The following SLIT3 variants were observed in gnomAD, a reference collection of about 807,000 sequenced individuals.
SLIT3 encodes the protein slit homolog 3 protein.
SLIT3 carries 68 observed loss-of-function variants against 184.0 expected under a neutral mutation model. The observed-to-expected ratio is 0.37, with a 90% CI of 0.30 to 0.45. The LOEUF (loss-of-function observed/expected upper bound fraction) is 0.45. SLIT3 is among the 20% of genes least tolerant of loss of function. The pLI, the probability that SLIT3 is intolerant of heterozygous loss-of-function variation, is 1.00. For synonymous variants in SLIT3, 831 were observed against 828.6 expected, an observed-to-expected ratio of 1.00 and a Z score of -0.05; for missense variants, 1,707 against 2,026.0, an observed-to-expected ratio of 0.84 and a Z score of 3.02.
At chr5:168,704,469 T>A (rs1561883749) in intron 26 of SLIT3, among the ~76,000 whole-genome samples, 1 of 152,162 alleles carries the variant, frequency 6.6e-6, no homozygotes, top group Non-Finnish European at 1.5e-5. Flanking sequence ...GGAGTGGTTG[T>A]GAGTGTAGAG....
chr5:168,909,405 C>G (rs1454975135), intron 4 of SLIT3, among the ~76,000 whole-genome samples: 2 of 152,206 alleles, frequency 1.3e-5, no homozygotes, highest in Non-Finnish European at 2.9e-5. Flanking sequence ...TCCTCTCCCC[C>G]ATGGCGCAAA....
chr5:169,268,127 A>G (rs775959440), intron 1 of SLIT3, among the ~76,000 whole-genome samples: 2 of 152,232 alleles, frequency 1.3e-5, no homozygotes, highest in Admixed American at 6.5e-5. Flanking sequence ...ATGTCCTGCC[A>G]TGCCCTAATA....
intron 4 of SLIT3, among the ~76,000 whole-genome samples, chr5:169,052,397 T>C (rs950016175): frequency 2.0e-5 from 3 of 152,150 alleles, no homozygotes; most frequent in Admixed American, 1.3e-4. Context: ...GTGTCTCCTA[T>C]AGTTAGGAGA....
chr5:169,297,769 T>C (rs1281876669), intron 1 of SLIT3, among the ~76,000 whole-genome samples: 2 of 152,190 alleles, frequency 1.3e-5, no homozygotes, highest in African/African-American at 2.4e-5. Context: ...TTGCAATGGT[T>C]CTATATACAG....
At chr5:168,719,684 A>G (rs535194816) in intron 23 of SLIT3, among the ~76,000 whole-genome samples, 1 of 152,330 alleles carries the variant, frequency 6.6e-6, no homozygotes, top group South Asian at 2.1e-4. Flanking sequence ...ACAGTACAAC[A>G]AAGATTTTAA....
intron 23 of SLIT3, among the ~76,000 whole-genome samples, chr5:168,718,660 G>A (rs770407536): frequency 1.4e-3 from 189 of 132,740 alleles, no homozygotes; most frequent in South Asian, 2.6e-3. Context: ...CTCCTGAAAT[G>A]TATTCATATC....
rs10055518 is a variant in SLIT3 at position 168,846,726 on chromosome 5, C to T, written c.486-2071G>A. On this transcript the variant is annotated intron_variant, in intron 5 of 35. Coordinates refer to ENST00000519560, the MANE Select transcript of SLIT3 (RefSeq NM_003062.4). ...TGGCAGTTTGTGGTGCATTGGTTTTCGTGCAGACATTTCATAAAGGTCCTT... is the reference window on the plus strand; with the variant it reads ...TGGCAGTTTGTGGTGCATTGGTTTTTGTGCAGACATTTCATAAAGGTCCTT... 5.7e-3 allele frequency among the ~76,000 whole-genome samples: 863 copies of T among 152,206 alleles called. 15 individuals are homozygous for T. Among genetic ancestry groups the T allele is most frequent in the African/African-American group, 0.019 (789 of 41,504 alleles).
At chr5:169,151,474 C>T (rs1339442911) in intron 4 of SLIT3, among the ~76,000 whole-genome samples, 1 of 152,198 alleles carries the variant, frequency 6.6e-6, no homozygotes, top group Admixed American at 6.5e-5. Context: ...ACAGCTTTGG[C>T]AGGGAGAAAA....
intron 5 of SLIT3, among the ~76,000 whole-genome samples, chr5:168,871,269 C>T (rs908565736): frequency 6.6e-6 from 1 of 152,134 alleles, no homozygotes; most frequent in Non-Finnish European, 1.5e-5. Context: ...ATAATCTATC[C>T]ACTTGAAGAA....
intron 3 of SLIT3, among the ~76,000 whole-genome samples, chr5:169,209,352 G>C (rs534653020): frequency 6.6e-6 from 1 of 152,330 alleles, no homozygotes; most frequent in Non-Finnish European, 1.5e-5. Context: ...ACACGTTGGT[G>C]GGAGTGTAAA....
At chr5:169,196,644 T>C (rs1763752402) in intron 3 of SLIT3, among the ~76,000 whole-genome samples, 1 of 152,118 alleles carries the variant, frequency 6.6e-6, no homozygotes, top group Non-Finnish European at 1.5e-5. Context: ...AAGGCCACAA[T>C]GTCAGGAAGT....
chr5:168,828,362 G>C (rs139896557), intron 6 of SLIT3, among the ~76,000 whole-genome samples: 1 of 152,208 alleles, frequency 6.6e-6, no homozygotes, highest in Non-Finnish European at 1.5e-5. Flanking sequence ...TGGGTGCAGT[G>C]GCTCATGCCT....
intron 4 of SLIT3, among the ~76,000 whole-genome samples, chr5:169,093,693 C>T (rs1759672101): frequency 6.6e-6 from 1 of 152,080 alleles, no homozygotes; most frequent in African/African-American, 2.4e-5. Context: ...TTTGCATCCC[C>T]CATTAGTTGT....
chr5:169,027,828 C>T (rs1435081139), intron 4 of SLIT3, among the ~76,000 whole-genome samples: 1 of 152,146 alleles, frequency 6.6e-6, no homozygotes. Context: ...CCTAAACAGC[C>T]CCTGAAGCAT....
intron 3 of SLIT3, among the ~76,000 whole-genome samples, chr5:169,210,140 A>ATAGC (rs1268968152): frequency 6.6e-6 from 1 of 152,130 alleles, no homozygotes; most frequent in African/African-American, 2.4e-5. Context: ...GCTATGGCAG[A>ATAGC]TAGCTACCCA....
At chr5:168,784,868 G>GACAC (rs34317589) in intron 12 of SLIT3, among the ~76,000 whole-genome samples, 49 of 149,832 alleles carry the variant, frequency 3.3e-4, no homozygotes, top group Non-Finnish European at 5.7e-4. Context: ...ATTTTAAAAA[G>GACAC]ACACACACAC....
At chr5:168,933,983 T>C (rs1335594915) in intron 4 of SLIT3, among the ~76,000 whole-genome samples, 1 of 152,196 alleles carries the variant, frequency 6.6e-6, no homozygotes, top group Non-Finnish European at 1.5e-5. Flanking sequence ...CTGGTGCTGC[T>C]TGCCCAATTC....
chr5:169,243,659 A>T lies in SLIT3; in HGVS notation c.341+1046T>A, dbSNP rs1765480276. Among the ~76,000 whole-genome samples, 4 of 152,212 alleles carry T rather than the reference A, an allele frequency of 2.6e-5. No individual in the cohort carries two copies. In the South Asian group the frequency reaches 8.3e-4, roughly 32 times the overall value. ...TTGACTCCAGGGGAAAAGATGGCAC[A>T]TCTCAAAGCTAACTAGTCAGGGACA... is the stretch of plus-strand genomic sequence containing the variant. On this transcript the variant is annotated intron_variant, in intron 3 of 35. Coordinates refer to ENST00000519560, the MANE Select transcript of SLIT3 (RefSeq NM_003062.4).
rs139111604 is a variant in SLIT3, at chr5:169,104,835, G to A, written c.413+88644C>T. 2.2e-3 allele frequency among the ~76,000 whole-genome samples: 336 copies of A among 152,318 alleles called. 2 individuals are homozygous for A. The highest frequency in any genetic ancestry group is 7.7e-3 in the African/African-American group (319 of 41,568). On this transcript the variant is annotated intron_variant, in intron 4 of 35. Transcript: ENST00000519560. ...GGGGGAGAAAAGAAAGAAAACCACA[G>A]AGATTTATCAGTTTTTAGGAGCTGG...
Sources: allele counts gnomAD v4.1 joint callset (sites outside exome capture counted in the v4.1 genomes callset), GRCh38; gene constraint gnomAD v4.1.1; transcripts MANE v1.5; gene names NCBI Gene and HGNC (gene_info 2026-07-23, HGNC 2026-07-21).